Variants in LRRC37A2 observed in about 807,000 individuals in gnomAD.
LRRC37A2 encodes the protein leucine rich repeat containing 37 member A2.
Under a neutral mutation model 68.8 loss-of-function variants are expected in LRRC37A2, and 9 were observed. The ratio of observed to expected loss-of-function variants is 0.13; its 90% confidence interval spans 0.08 to 0.23. LRRC37A2 has a LOEUF of 0.23. Ranked by LOEUF, LRRC37A2 falls within the 10% of genes least tolerant of loss-of-function variation. LRRC37A2 has a pLI of 1.00. For missense variants in LRRC37A2, 168 were observed against 950.4 expected, an observed-to-expected ratio of 0.18 and a Z score of 10.82; for synonymous variants, 63 against 367.6, an observed-to-expected ratio of 0.17 and a Z score of 9.48.
the LRRC37A2 span, among the ~76,000 whole-genome samples, chr17:46,852,444 A>C: frequency 7.8e-6 from 1 of 128,728 alleles, no homozygotes; most frequent in South Asian, 2.5e-4. Flanking sequence ...GTGTGTGTAC[A>C]TGGTTGGAAA....
the LRRC37A2 span, among the ~76,000 whole-genome samples, chr17:46,994,614 G>C: frequency 6.6e-6 from 1 of 151,896 alleles, no homozygotes; most frequent in Non-Finnish European, 1.5e-5. Context: ...AAATTTTAAA[G>C]AAAAAAAGAA....
chr17:46,785,111 C>A, the LRRC37A2 span, among the ~76,000 whole-genome samples: 2 of 152,170 alleles, frequency 1.3e-5, no homozygotes, highest in East Asian at 1.9e-4. Flanking sequence ...GCATCCTAAG[C>A]CTTCAGTGCA....
At chr17:47,015,145 T>C in the LRRC37A2 span, among the ~76,000 whole-genome samples, 1 of 151,192 alleles carries the variant, frequency 6.6e-6, no homozygotes, top group African/African-American at 2.4e-5. Context: ...GTAGCTGGGA[T>C]TATAGACACG....
At chr17:46,715,920 G>A in the LRRC37A2 span, among the ~76,000 whole-genome samples, 3 of 152,068 alleles carry the variant, frequency 2.0e-5, no homozygotes, top group African/African-American at 4.8e-5. Flanking sequence ...GATCATCCGT[G>A]CACTCTTAAA....
At chr17:46,709,822 G>A in the LRRC37A2 span, among the ~76,000 whole-genome samples, 23 of 152,234 alleles carry the variant, frequency 1.5e-4, no homozygotes, top group South Asian at 4.8e-3. Flanking sequence ...CAGCCATTTA[G>A]CCAGTTTGGA....
At chr17:46,824,404 A>T in the LRRC37A2 span, among the ~76,000 whole-genome samples, 1 of 152,118 alleles carries the variant, frequency 6.6e-6, no homozygotes, top group Non-Finnish European at 1.5e-5. Flanking sequence ...GCTCGCCACC[A>T]TGCCTGGCTA....
the LRRC37A2 span, among the ~76,000 whole-genome samples, chr17:46,808,442 G>C: frequency 6.6e-6 from 1 of 152,194 alleles, no homozygotes; most frequent in Non-Finnish European, 1.5e-5. Flanking sequence ...ATATGAACAA[G>C]CAAATTTTTA....
At chr17:46,835,432 C>T in the LRRC37A2 span, among the ~76,000 whole-genome samples, 5 of 152,036 alleles carry the variant, frequency 3.3e-5, no homozygotes, top group East Asian at 1.9e-4. Flanking sequence ...AGGATGGTAT[C>T]GATCTCCTGA....
At chr17:46,876,308 C>T in the LRRC37A2 span, 12 of 1,614,154 alleles carry the variant, frequency 7.4e-6, no homozygotes, top group Middle Eastern at 1.6e-4. Flanking sequence ...CTGTGCCGTG[C>T]GCACCTGCTG....
chr17:46,874,381 G>A, the LRRC37A2 span, among the ~76,000 whole-genome samples: 1 of 152,258 alleles, frequency 6.6e-6, no homozygotes. Flanking sequence ...CATCCAAATG[G>A]TCATACACCG....
At chr17:46,895,733 A>G in the LRRC37A2 span, among the ~76,000 whole-genome samples, 1 of 152,216 alleles carries the variant, frequency 6.6e-6, no homozygotes, top group Admixed American at 6.5e-5. Flanking sequence ...TTTGCAGAGA[A>G]GCAGCTTCCC....
At chr17:46,558,447 C>T (rs1201974828), downstream of LRRC37A2, among the ~76,000 whole-genome samples, 1 of 115,788 alleles carries the variant, frequency 8.6e-6, no homozygotes, top group African/African-American at 3.6e-5. Flanking sequence ...AGTGCAGCAG[C>T]GTGATCTCGG....
chr17:46,797,256 G>A, the LRRC37A2 span, among the ~76,000 whole-genome samples: 1 of 152,150 alleles, frequency 6.6e-6, no homozygotes, highest in African/African-American at 2.4e-5. Context: ...CACACTATGC[G>A]ATGTCCTACT....
rs372793996 is a variant in LRRC37A2, at chr17:46,548,819, C to T, written c.3680C>T (p.Ala1227Val). Reference sequence around the variant, plus strand: ...ACACAGCAGGGGCCTGAGAAGTTAGCGGGAAACGCCGTCTACACCAAGCCT... The same window carrying T: ...ACACAGCAGGGGCCTGAGAAGTTAGTGGGAAACGCCGTCTACACCAAGCCT... The change falls in exon 10 of 15, where the codon GCG (alanine) becomes GTG (valine). Residue 1227 changes from alanine to valine, a missense_variant. Physicochemically the swap from Ala to Val is moderately conservative, Grantham distance 64. Coordinates refer to ENST00000576629, the Ensembl canonical transcript of LRRC37A2. 34 of 1,612,006 alleles carry T rather than the reference C, an allele frequency of 2.1e-5. 1 individual carries two copies. The highest frequency in any genetic ancestry group is 1.7e-4 in the Middle Eastern group (1 of 5,952).
At chr17:46,870,904 C>CTTTTTTT in the LRRC37A2 span, among the ~76,000 whole-genome samples, 23 of 78,378 alleles carry the variant, frequency 2.9e-4, no homozygotes, top group East Asian at 9.0e-4. Context: ...TCCACCTTTG[C>CTTTTTTT]TTTTTTTTTT....
chr17:46,502,131 CTT>C, the LRRC37A2 span, among the ~76,000 whole-genome samples: 1 of 151,106 alleles, frequency 6.6e-6, no homozygotes, highest in Non-Finnish European at 1.5e-5. Context: ...ACTTCATAAG[CTT>C]TAGATTTTGA....
chr17:46,492,821 G>A, the LRRC37A2 span, among the ~76,000 whole-genome samples: 2 of 149,298 alleles, frequency 1.3e-5, no homozygotes, highest in Admixed American at 1.3e-4. Flanking sequence ...AGCCTCCCGT[G>A]TAGCTGGGAC....
chr17:47,010,436 G>A, the LRRC37A2 span: 1 of 152,294 alleles, frequency 6.6e-6, no homozygotes, highest in Non-Finnish European at 1.5e-5. Context: ...AACAGCCCGT[G>A]CTCTCCACCC....
chr17:46,730,907 G>A, the LRRC37A2 span, among the ~76,000 whole-genome samples: 1 of 152,136 alleles, frequency 6.6e-6, no homozygotes, highest in Non-Finnish European at 1.5e-5. Flanking sequence ...AAAAAGTCAG[G>A]TAATGACAAG....
Sources: gnomAD v4.1 joint callset for allele counts (sites outside exome capture counted in the v4.1 genomes callset) on GRCh38, gnomAD v4.1.1 for gene constraint, MANE v1.5 for transcripts, NCBI Gene and HGNC (gene_info 2026-07-23, HGNC 2026-07-21) for gene names.